Variants in DDX10 observed in about 807,000 individuals in gnomAD.
DDX10 encodes probable ATP-dependent RNA helicase DDX10.
Under a neutral mutation model 104.3 loss-of-function variants are expected in DDX10, and 74 were observed. The observed-to-expected ratio is 0.71, with a 90% CI of 0.59 to 0.86. The LOEUF (loss-of-function observed/expected upper bound fraction) is 0.86, where lower values mean the gene tolerates loss of function less well. Among genes scored for constraint, DDX10 ranks in the 40% least tolerant of loss-of-function variants. The pLI is 0.00. For synonymous variants in DDX10, 351 were observed against 353.4 expected, an observed-to-expected ratio of 0.99 and a Z score of 0.08; for missense variants, 952 against 1,040.0, an observed-to-expected ratio of 0.92 and a Z score of 1.16.
chr11:108,676,736 G>T (rs765483294), intron 3 of DDX10, among the ~76,000 whole-genome samples: 1 of 152,132 alleles, frequency 6.6e-6, no homozygotes, highest in Non-Finnish European at 1.5e-5. Flanking sequence ...GAGCCACTGC[G>T]CCCAGCCAAA....
chr11:108,760,118 C>G (rs1265968531), intron 13 of DDX10, among the ~76,000 whole-genome samples: 1 of 151,870 alleles, frequency 6.6e-6, no homozygotes, highest in African/African-American at 2.4e-5. Context: ...GGAACATTCA[C>G]TTACATCTTT....
At chr11:108,914,817 C>T (rs1423909387) in intron 16 of DDX10, among the ~76,000 whole-genome samples, 1 of 122,800 alleles carries the variant, frequency 8.1e-6, no homozygotes, top group East Asian at 2.4e-4. Context: ...ATGTTCTGAG[C>T]AGGGAAATGG....
At chr11:108,695,509 A>G (rs2094258470) in intron 9 of DDX10, among the ~76,000 whole-genome samples, 1 of 152,192 alleles carries the variant, frequency 6.6e-6, no homozygotes, top group South Asian at 2.1e-4. Flanking sequence ...AAGTGGCCCC[A>G]AGTATGAAAG....
chr11:108,896,946 A>T (rs1863450008), intron 16 of DDX10, among the ~76,000 whole-genome samples: 1 of 152,032 alleles, frequency 6.6e-6, no homozygotes, highest in Non-Finnish European at 1.5e-5. Flanking sequence ...GAAAAAAATG[A>T]TAATCCAAAT....
intron 16 of DDX10, chr11:108,860,777 C>G (rs1272852534): frequency 2.0e-5 from 3 of 152,080 alleles, no homozygotes; most frequent in Non-Finnish European, 2.9e-5. Flanking sequence ...AACTCCTGAC[C>G]TCAAGTGATC....
chr11:108,907,820 A>G (rs2134654730), intron 16 of DDX10, among the ~76,000 whole-genome samples: 1 of 152,374 alleles, frequency 6.6e-6, no homozygotes, highest in South Asian at 2.1e-4. Flanking sequence ...TATATAAATC[A>G]GTATTAACGC....
chr11:108,912,860 A>T (rs1231393770), intron 16 of DDX10, among the ~76,000 whole-genome samples: 1 of 152,138 alleles, frequency 6.6e-6, no homozygotes, highest in African/African-American at 2.4e-5. Context: ...TCCACCTCAC[A>T]TGTCAATTGT....
At chr11:108,806,689 G>C (rs1020988314) in intron 13 of DDX10, among the ~76,000 whole-genome samples, 3 of 152,214 alleles carry the variant, frequency 2.0e-5, no homozygotes, top group African/African-American at 7.2e-5. Context: ...GCCTCTCTCA[G>C]AGGGCGCGTT....
chr11:108,742,583 A>G (rs1028319600), intron 13 of DDX10, among the ~76,000 whole-genome samples: 1 of 152,182 alleles, frequency 6.6e-6, no homozygotes, highest in Non-Finnish European at 1.5e-5. Context: ...CAACAACAAC[A>G]ACAAGAAACA....
chr11:108,754,161 G>A (rs550821942), intron 13 of DDX10, among the ~76,000 whole-genome samples: 12 of 152,122 alleles, frequency 7.9e-5, no homozygotes, highest in African/African-American at 2.9e-4. Context: ...TGTGTTGTCG[G>A]AAGTGAATCG....
rs905577991 is a variant in DDX10 at position 108,789,285 on chromosome 11, A to G, written c.1966-49161A>G. On this transcript the variant is annotated intron_variant, in intron 13 of 17. Coordinates refer to ENST00000322536, the MANE Select transcript of DDX10 (RefSeq NM_004398.4). ...TTTACTATGTTTAAGTATAGAATTG[A>G]TGAGCGGGACAAGTAGGAGATGTCG... Among the ~76,000 whole-genome samples, 7 of 152,306 alleles carry G rather than the reference A, an allele frequency of 4.6e-5. No homozygotes were observed. In the East Asian group the frequency reaches 1.3e-3, roughly 29 times the overall value.
In DDX10 at chr11:108,665,179, G is replaced by C. The variant is rs1393609635; in HGVS notation, c.26G>C (p.Gly9Ala). Residue 9 changes from glycine to alanine, a missense_variant, in exon 1 of 18, where the codon GGT (glycine) becomes GCT (alanine). By Grantham distance (60) the Gly-to-Ala change is moderately conservative. Coordinates refer to ENST00000322536, the MANE Select transcript of DDX10 (RefSeq NM_004398.4). ...ATGGGCAAAACGGCCAACTCTCCGG[G>C]TTCGGGAGCCCGACCCGACCCGGTG... The part of the protein sequence containing the change: MGKTANSP[G>A]SGARPDPVRS... 6 of 1,611,350 alleles carry C rather than the reference G, an allele frequency of 3.7e-6. No individual in the cohort carries two copies. Among genetic ancestry groups the C allele is most frequent in the Non-Finnish European group, 5.1e-6 (6 of 1,179,084 alleles).
chr11:108,718,972 A>G (rs1332347192), intron 11 of DDX10, among the ~76,000 whole-genome samples: 1 of 152,186 alleles, frequency 6.6e-6, no homozygotes, highest in East Asian at 1.9e-4. Flanking sequence ...TGCAAACAGG[A>G]ACTAAATATA....
At chr11:108,713,214 CTG>C (rs917830761) in intron 10 of DDX10, among the ~76,000 whole-genome samples, 8 of 152,108 alleles carry the variant, frequency 5.3e-5, no homozygotes, top group East Asian at 1.9e-4. Flanking sequence ...GCTCTTGGAT[CTG>C]TGGTTTGGTG....
chr11:108,683,909 A>G (rs2094239055), intron 6 of DDX10, among the ~76,000 whole-genome samples: 1 of 152,032 alleles, frequency 6.6e-6, no homozygotes, highest in Admixed American at 6.6e-5. Flanking sequence ...CTAAAAATGA[A>G]CTCAGATTTA....
At chr11:108,785,782 A>C (rs1303253237) in intron 13 of DDX10, among the ~76,000 whole-genome samples, 1 of 151,912 alleles carries the variant, frequency 6.6e-6, no homozygotes, top group Non-Finnish European at 1.5e-5. Flanking sequence ...TATCTTTGTC[A>C]CTTCCGATTG....
chr11:108,685,534 A>G (rs6589029), intron 6 of DDX10, among the ~76,000 whole-genome samples: 10,338 of 152,148 alleles, frequency 0.068, 395 homozygotes, highest in Middle Eastern at 0.13. Context: ...AGCTGTTCCT[A>G]TTCGGCCATC....
intron 9 of DDX10, among the ~76,000 whole-genome samples, chr11:108,701,607 T>C (rs1417542572): frequency 6.6e-6 from 1 of 151,356 alleles, no homozygotes; most frequent in African/African-American, 2.4e-5. Flanking sequence ...TAATAGCTAA[T>C]AGTACAACAG....
chr11:108,670,460 C>T (rs1055641779), intron 1 of DDX10, among the ~76,000 whole-genome samples: 2 of 152,250 alleles, frequency 1.3e-5, no homozygotes, highest in South Asian at 2.1e-4. Context: ...CAAAATTGTC[C>T]ATCAGAGGAA....
Sources: allele counts gnomAD v4.1 joint callset (sites outside exome capture counted in the v4.1 genomes callset), GRCh38; gene constraint gnomAD v4.1.1; transcripts MANE v1.5; gene names NCBI Gene and HGNC (gene_info 2026-07-23, HGNC 2026-07-21).